CDH23: variants seen among roughly 807,000 people sequenced by gnomAD.
CDH23 encodes cadherin related 23, also known as cadherin-23.
CDH23 carries 189 observed loss-of-function variants against 317.1 expected under a neutral mutation model. That is an observed-to-expected ratio of 0.60 (90% CI 0.53 to 0.67). CDH23 has a LOEUF of 0.67. Ranked by LOEUF, CDH23 falls within the 30% of genes least tolerant of loss-of-function variation. The pLI is 0.00. For missense variants in CDH23, 4,401 were observed against 4,592.4 expected (o/e 0.96, Z 1.20); for synonymous variants, 1,839 against 1,876.8 (o/e 0.98, Z 0.52).
Position 71,734,289 on chromosome 10 carries a change from A to G in CDH23, c.4154A>G (p.Tyr1385Cys). The change falls in exon 33 of 70, where the codon TAT (tyrosine) becomes TGT (cysteine). Residue 1385 changes from tyrosine (Y) to cysteine (C), a missense_variant. By Grantham distance (194) the Tyr-to-Cys change is radical (BLOSUM62 -2). Around this residue, in one of 3 missense-constraint regions of CDH23, gnomAD observed 3,068 missense variants for 3,203.3 expected, o/e 0.96. Transcript: ENST00000224721. ...GTGGACCGTGAGAAGGGCGACTTCT[A>G]TACCTTGACAGTGGTGGCAGATGAC... ...GLVDREKGDF[Y>C]TLTVVADDGG... 1 of 1,612,700 alleles carries G rather than the reference A, an allele frequency of 6.2e-7. No homozygotes were observed. Among genetic ancestry groups the G allele is most frequent in the South Asian group, 1.1e-5 (1 of 90,662 alleles).
chr10:71,765,092 A>G (rs921920637), intron 38 of CDH23, among the ~76,000 whole-genome samples: 2 of 152,132 alleles, frequency 1.3e-5, no homozygotes, highest in Non-Finnish European at 2.9e-5. Flanking sequence ...GGGCTCTCCC[A>G]CGTACTCCCA....
chr10:71,752,831 A>T (rs1404236288), intron 38 of CDH23: 18 of 980,728 alleles, frequency 1.8e-5, no homozygotes, highest in Non-Finnish European at 2.7e-5. Flanking sequence ...ATCTGCACAG[A>T]TGTGCAGGCT....
At chr10:71,536,256 T>C (rs1361750401) in intron 6 of CDH23, among the ~76,000 whole-genome samples, 2 of 152,086 alleles carry the variant, frequency 1.3e-5, no homozygotes, top group Non-Finnish European at 2.9e-5. Flanking sequence ...ACGGTATGGC[T>C]TGATGGAGGC....
At chr10:71,777,440 C>T (rs1478098398) in intron 38 of CDH23, among the ~76,000 whole-genome samples, 2 of 150,688 alleles carry the variant, frequency 1.3e-5, no homozygotes, top group African/African-American at 4.9e-5. Context: ...TGCTGGGGGT[C>T]GCAGACATAG....
chr10:71,680,483 C>G (rs1864573248), intron 17 of CDH23, among the ~76,000 whole-genome samples: 1 of 152,142 alleles, frequency 6.6e-6, no homozygotes, highest in Non-Finnish European at 1.5e-5. Flanking sequence ...CGCGGTGGCT[C>G]ACGTCTGTAA....
chr10:71,629,245 A>T (rs1174672989), intron 11 of CDH23, among the ~76,000 whole-genome samples: 1 of 152,234 alleles, frequency 6.6e-6, no homozygotes, highest in African/African-American at 2.4e-5. Flanking sequence ...GATGCAAATG[A>T]TGTCAGGTGG....
chr10:71,806,921 G>A (rs1045778308), intron 57 of CDH23, among the ~76,000 whole-genome samples: 1 of 152,218 alleles, frequency 6.6e-6, no homozygotes, highest in Non-Finnish European at 1.5e-5. Flanking sequence ...GGCCCCTCCT[G>A]TGGACTCCAA....
At chr10:71,642,010 C>A (rs1206522550) in intron 11 of CDH23, among the ~76,000 whole-genome samples, 1 of 152,096 alleles carries the variant, frequency 6.6e-6, no homozygotes, top group Non-Finnish European at 1.5e-5. Context: ...GTGTGAGAAT[C>A]GCTTGAACCT....
chr10:71,802,845 T>C, intron 53 of CDH23, 53 bp from the exon 54 acceptor site: 1 of 1,600,482 alleles, frequency 6.2e-7, no homozygotes, highest in Non-Finnish European at 8.6e-7. Flanking sequence ...CCAGGTCCGC[T>C]GAGGCTGCCC....
chr10:71,617,682 C>A, intron 11 of CDH23: 2 of 403,036 alleles, frequency 5.0e-6, no homozygotes, highest in Non-Finnish European at 3.4e-6. Flanking sequence ...TATTGTAAAG[C>A]ATGTACAAAA....
At chr10:71,454,074 G>A (rs1303146899) in intron 3 of CDH23, among the ~76,000 whole-genome samples, 1 of 152,160 alleles carries the variant, frequency 6.6e-6, no homozygotes, top group Non-Finnish European at 1.5e-5. Context: ...CCCCTGAAGT[G>A]TTCTCAGAGG....
intron 9 of CDH23, among the ~76,000 whole-genome samples, chr10:71,579,170 C>T (rs1858453350): frequency 6.6e-6 from 1 of 150,806 alleles, no homozygotes; most frequent in Non-Finnish European, 1.5e-5. Flanking sequence ...GCTAATGCTA[C>T]CTTGGGAAGC....
At chr10:71,798,804 C>T (rs1841477778) in intron 50 of CDH23, among the ~76,000 whole-genome samples, 1 of 152,172 alleles carries the variant, frequency 6.6e-6, no homozygotes, top group African/African-American at 2.4e-5. Flanking sequence ...ACCTGGGATA[C>T]CCCACCACCC....
At chr10:71,414,014 T>G (rs970374484) in intron 1 of CDH23, among the ~76,000 whole-genome samples, 2 of 151,884 alleles carry the variant, frequency 1.3e-5, no homozygotes, top group African/African-American at 4.8e-5. Context: ...TTTTTTGTAC[T>G]GCAATTTTGC....
At chr10:71,641,099 C>T (rs962838054) in intron 11 of CDH23, among the ~76,000 whole-genome samples, 26 of 152,136 alleles carry the variant, frequency 1.7e-4, no homozygotes, top group African/African-American at 5.6e-4. Context: ...GGAGAACTAC[C>T]CCTCTTTGCC....
chr10:71,678,808 C>A (rs1420502983), intron 16 of CDH23, among the ~76,000 whole-genome samples: 1 of 152,180 alleles, frequency 6.6e-6, no homozygotes, highest in Non-Finnish European at 1.5e-5. Flanking sequence ...TCCTTGCTTT[C>A]ATGCAACATG....
intron 1 of CDH23, among the ~76,000 whole-genome samples, chr10:71,402,655 CT>C (rs1420451069): frequency 6.6e-6 from 1 of 151,886 alleles, no homozygotes; most frequent in African/African-American, 2.4e-5. Flanking sequence ...GAAAACTCTT[CT>C]TATTTTCAGA....
chr10:71,573,611 C>T (rs1345685260), intron 8 of CDH23, among the ~76,000 whole-genome samples: 4 of 152,208 alleles, frequency 2.6e-5, no homozygotes, highest in African/African-American at 9.7e-5. Flanking sequence ...TCTCCTCTCT[C>T]AGACGCAAGG....
At chr10:71,503,520 A>G (rs1853459637) in intron 3 of CDH23, among the ~76,000 whole-genome samples, 1 of 152,094 alleles carries the variant, frequency 6.6e-6, no homozygotes, top group Non-Finnish European at 1.5e-5. Context: ...TTACCCAATG[A>G]CTATTTATTG....
Sources: allele counts gnomAD v4.1 joint callset (sites outside exome capture counted in the v4.1 genomes callset), GRCh38; gene constraint gnomAD v4.1.1; regional missense constraint gnomAD v4.1.1; transcripts MANE v1.5; gene names NCBI Gene and HGNC (gene_info 2026-07-23, HGNC 2026-07-21).